RPA1: variants seen among roughly 807,000 people sequenced by gnomAD.
The protein encoded by RPA1 is replication protein A 70 kDa DNA-binding subunit.
In RPA1, 49 loss-of-function variants were observed where a neutral mutation model predicts 83.0. The observed-to-expected ratio is 0.59, with a 90% CI of 0.47 to 0.75. The LOEUF (loss-of-function observed/expected upper bound fraction) is 0.75. RPA1 is among the 30% of genes least tolerant of loss of function. The pLI, the probability that RPA1 is intolerant of heterozygous loss-of-function variation, is 0.00. For missense variants in RPA1, 693 were observed against 776.1 expected (o/e 0.89, Z 1.27); for synonymous variants, 279 against 281.8 (o/e 0.99, Z 0.10).
intron 13 of RPA1, among the ~76,000 whole-genome samples, chr17:1,886,066 C>G (rs1282084046): frequency 6.6e-6 from 1 of 151,458 alleles, no homozygotes; most frequent in Non-Finnish European, 1.5e-5. Context: ...TATTAATCTC[C>G]TTGTACTGTG....
At chr17:1,881,660 T>TA (rs1335466707) in intron 12 of RPA1, among the ~76,000 whole-genome samples, 1 of 152,208 alleles carries the variant, frequency 6.6e-6, no homozygotes, top group Non-Finnish European at 1.5e-5. Flanking sequence ...ATTCCCACAT[T>TA]AAAATCGCAT....
intron 4 of RPA1, among the ~76,000 whole-genome samples, chr17:1,846,019 T>C (rs1038811263): frequency 2.0e-5 from 3 of 152,228 alleles, no homozygotes; most frequent in African/African-American, 4.8e-5. Flanking sequence ...TTTTAAATTC[T>C]GTTATACTGA....
intron 11 of RPA1, 131 bp from the exon 12 acceptor site, chr17:1,880,412 C>T: frequency 2.3e-6 from 2 of 875,900 alleles, no homozygotes; most frequent in Non-Finnish European, 3.5e-6. Context: ...TGTGTGAGGT[C>T]TGTCTTGTAT....
At chr17:1,865,915 G>A (rs868232646) in intron 5 of RPA1, among the ~76,000 whole-genome samples, 39 of 152,256 alleles carry the variant, frequency 2.6e-4, no homozygotes, top group African/African-American at 7.5e-4. Flanking sequence ...GATTACAGGC[G>A]TGAGCGCTGC....
At chr17:1,839,956 C>G (rs973533487) in intron 1 of RPA1, among the ~76,000 whole-genome samples, 1 of 151,522 alleles carries the variant, frequency 6.6e-6, no homozygotes, top group African/African-American at 2.4e-5. Context: ...CCACACCCAA[C>G]TACTTTTTGT....
At chr17:1,883,759 G>A in intron 12 of RPA1, 53 bp from the exon 13 acceptor site, 1 of 1,609,066 alleles carries the variant, frequency 6.2e-7, no homozygotes, top group South Asian at 1.1e-5. Flanking sequence ...ATGTGGAGAA[G>A]CAGAAGCATG....
chr17:1,882,670 A>G (rs559766148), intron 12 of RPA1, among the ~76,000 whole-genome samples: 3 of 152,300 alleles, frequency 2.0e-5, no homozygotes, highest in African/African-American at 2.4e-5. Flanking sequence ...GTCTCAAAAC[A>G]AAAAAACCAC....
At chr17:1,858,160 T>C in intron 5 of RPA1, 1 of 1,613,974 alleles carries the variant, frequency 6.2e-7, no homozygotes, top group Non-Finnish European at 8.5e-7. Flanking sequence ...TCGGATCCCA[T>C]TCCAGGTATG....
chr17:1,833,878 A>C (rs1359076988), intron 1 of RPA1, among the ~76,000 whole-genome samples: 1 of 151,520 alleles, frequency 6.6e-6, no homozygotes. Flanking sequence ...ATGGTTCTTC[A>C]CTTTTAAAAA....
At chr17:1,883,403 C>T (rs1438637387) in intron 12 of RPA1, among the ~76,000 whole-genome samples, 5 of 151,976 alleles carry the variant, frequency 3.3e-5, no homozygotes, top group African/African-American at 7.2e-5. Flanking sequence ...CCTCGTGATC[C>T]GCCCGCCTCA....
chr17:1,861,612 T>A (rs1380351703), intron 5 of RPA1, among the ~76,000 whole-genome samples: 1 of 152,252 alleles, frequency 6.6e-6, no homozygotes, highest in African/African-American at 2.4e-5. Flanking sequence ...GTTTCTTCTC[T>A]GTTTGTCTCC....
At position 1,883,841 on chromosome 17, in the gene RPA1, G is replaced by A; in HGVS notation, c.1271G>A (p.Gly424Asp). ...GACGCAGAAGGACAAGCCTTAGATG[G>A]TGTTTCCATCTCTGATCTAAAGAGC... ...WFDAEGQALD[G>D]VSISDLKSGG... Residue 424 changes from glycine to aspartate, a missense_variant, in exon 13 of 17, where the codon GGT becomes GAT. Physicochemically the swap from Gly to Asp is moderately conservative, Grantham distance 94. Transcript: ENST00000254719. 1 of 1,614,130 alleles carries A rather than the reference G, an allele frequency of 6.2e-7. No homozygotes were observed. Among genetic ancestry groups the A allele is most frequent in the Non-Finnish European group, 8.5e-7 (1 of 1,179,994 alleles).
chr17:1,833,282 C>T (rs969226567), intron 1 of RPA1, among the ~76,000 whole-genome samples: 5 of 152,126 alleles, frequency 3.3e-5, no homozygotes, highest in African/African-American at 1.2e-4. Flanking sequence ...TTTTACTCTG[C>T]ATTGTATCCC....
chr17:1,839,921 T>C (rs1911982086), intron 1 of RPA1, among the ~76,000 whole-genome samples: 1 of 148,414 alleles, frequency 6.7e-6, no homozygotes, highest in African/African-American at 2.5e-5. Flanking sequence ...GCCTCTCGAG[T>C]AGCTGGGACT....
At chr17:1,847,841 G>A (rs1317889102) in intron 4 of RPA1, among the ~76,000 whole-genome samples, 2 of 152,008 alleles carry the variant, frequency 1.3e-5, no homozygotes, top group African/African-American at 2.4e-5. Context: ...CCAACATGGT[G>A]AAACCCCATC....
At chr17:1,862,858 C>T (rs940131392) in intron 5 of RPA1, among the ~76,000 whole-genome samples, 1 of 150,552 alleles carries the variant, frequency 6.6e-6, no homozygotes, top group African/African-American at 2.5e-5. Context: ...GCTGGGATTA[C>T]AAGTGCCCGC....
At chr17:1,881,378 TAGGATTTAAGC>T (rs1913791213) in intron 12 of RPA1, among the ~76,000 whole-genome samples, 5 of 152,242 alleles carry the variant, frequency 3.3e-5, no homozygotes, top group African/African-American at 1.2e-4. Flanking sequence ...AGCTGTGTCT[TAGGATTTAAGC>T]AGCTAAAGAA....
chr17:1,897,323 A>C lies in RPA1; in HGVS notation c.*148A>C. 3.2e-6 allele frequency: 2 copies of C among 628,032 alleles called. No homozygotes were observed. Among genetic ancestry groups the C allele is most frequent in the Non-Finnish European group, 5.5e-6 (2 of 361,918 alleles). 38.9% of individuals were successfully genotyped at this position (628,032 alleles called of 1,614,324 possible). ...CAATTTCCCCCCTCGTGCGCATCTC[A>C]GAACCCATCGGTAGGCAAAGGAAAA... On this transcript the variant is annotated 3_prime_UTR_variant, in exon 17 of 17. Transcript: ENST00000254719.
chr17:1,830,253 G>A lies in RPA1; in HGVS notation c.33+127G>A, dbSNP rs1402402558. The A allele has an allele frequency of 1.1e-5, 7 of 660,152 alleles. No individual in the cohort carries two copies. The East Asian group carries it at 1.4e-4, about 13-fold the overall frequency. 40.9% of individuals were successfully genotyped at this position (660,152 alleles called of 1,614,324 possible). ...ACGCGAGGGGAGGAGATGGCGGGGG[G>A]CGGTGGGGACCCGCCGGGCGTCCCT... is the stretch of plus-strand genomic sequence containing the variant. On this transcript the variant is annotated intron_variant, in intron 1 of 16. Transcript: ENST00000254719.
Sources: allele counts gnomAD v4.1 joint callset (sites outside exome capture counted in the v4.1 genomes callset), GRCh38; gene constraint gnomAD v4.1.1; transcripts MANE v1.5; gene names NCBI Gene and HGNC (gene_info 2026-07-23, HGNC 2026-07-21).